Variants in AIRE observed in about 807,000 individuals in gnomAD.
AIRE encodes autoimmune regulator.
A neutral mutation model predicts 62.1 loss-of-function variants in AIRE; 52 were observed. The ratio of observed to expected loss-of-function variants is 0.84; its 90% CI spans 0.67 to 1.06. The LOEUF is 1.06. Ranked by LOEUF, AIRE falls within the 50% of genes least tolerant of loss-of-function variation. The pLI, the probability that AIRE is intolerant of heterozygous loss-of-function variation, is 0.00. For synonymous variants in AIRE, 342 were observed against 321.6 expected (o/e 1.06, Z -0.68); for missense variants, 774 against 755.8 (o/e 1.02, Z -0.28).
In AIRE at chr21:44,289,882, C is replaced by T; in HGVS notation, c.798+80C>T. On this transcript the variant is annotated intron_variant, in intron 6 of 13. Coordinates refer to ENST00000291582, the MANE Select transcript of AIRE (RefSeq NM_000383.4). Reference sequence around the variant, plus strand: ...AACAGCGTTGCCTCTGGGGGAGTGGCTCTGCTGGGGGCTGGGGGCTGCTGC... The same window carrying T: ...AACAGCGTTGCCTCTGGGGGAGTGGTTCTGCTGGGGGCTGGGGGCTGCTGC... 3.1e-6 allele frequency: 5 copies of T among 1,607,698 alleles called. No individual in the cohort carries two copies. The South Asian group carries it at 5.5e-5, about 18-fold the overall frequency.
At chr21:44,288,733 G>A (rs909450890) in intron 5 of AIRE, 6 of 435,868 alleles carry the variant, frequency 1.4e-5, no homozygotes, top group Non-Finnish European at 2.5e-5. Flanking sequence ...ATGTGCATGG[G>A]CCCTCCTGGG....
Position 44,293,908 on chromosome 21 carries a change from C to T in AIRE, c.1398C>T (p.Pro466=), listed in dbSNP as rs1402673356. 13 of 1,596,464 alleles carry T rather than the reference C, an allele frequency of 8.1e-6. No individual in the cohort carries two copies. Among genetic ancestry groups the T allele is most frequent in the South Asian group, 1.1e-5 (1 of 91,016 alleles). Residue 466 remains proline, a splice_region_variant and synonymous_variant, in exon 11 of 14, where the codon CCC becomes CCT. Transcript: ENST00000291582. ...RCHFPAGTSR[P]GTGLRCRSCS... is the part of the protein sequence containing the mutation. Reference sequence around the variant, plus strand: ...ACTTCCCAGCCGGCACCTCCCGGCCCGGGTGAGTGAGCGTGGTCGGCGGGG... The same window carrying T: ...ACTTCCCAGCCGGCACCTCCCGGCCTGGGTGAGTGAGCGTGGTCGGCGGGG...
In AIRE at chr21:44,287,555, A is replaced by G. The variant is rs1601965087; in HGVS notation, c.502A>G (p.Ser168Gly). Residue 168 changes from serine to glycine, a missense_variant, in exon 4 of 14, where the codon AGC becomes GGC. Physicochemically the swap from Ser to Gly is moderately conservative, Grantham distance 56. Around this residue, in one of 3 missense-constraint regions of AIRE, gnomAD observed 385 missense variants for 396.0 expected, o/e 0.97. Coordinates refer to ENST00000291582, the MANE Select transcript of AIRE (RefSeq NM_000383.4). The surrounding 1 kb of genome is among the most constrained non-coding windows in gnomAD (Gnocchi z 4.3). ...LKAKPPKKPE[S>G]SAEQQRLPLG... is the part of the protein sequence containing the mutation. Reference sequence around the variant, plus strand: ...GGCCAAGCCCCCCAAGAAGCCGGAGAGCAGCGCAGAGCAGCAGCGCCTTCC... The same window carrying G: ...GGCCAAGCCCCCCAAGAAGCCGGAGGGCAGCGCAGAGCAGCAGCGCCTTCC... 6.4e-7 allele frequency: 1 copy of G among 1,558,794 alleles called. No homozygotes were observed. The highest frequency in any genetic ancestry group is 8.7e-7 in the Non-Finnish European group (1 of 1,151,436).
At chr21:44,293,657 G>C (rs2040568877) in intron 10 of AIRE, 132 bp from the exon 11 acceptor site, 2 of 1,433,630 alleles carry the variant, frequency 1.4e-6, no homozygotes, top group Admixed American at 4.0e-5. Context: ...GGCACCGTGA[G>C]GCTCCTCACT....
chr21:44,292,222 T>A, intron 8 of AIRE, 80 bp from the exon 9 acceptor site: 6 of 1,148,160 alleles, frequency 5.2e-6, no homozygotes, highest in Non-Finnish European at 6.4e-6. Context: ...GTCGGAGCCC[T>A]GGAGCTCCAC....
rs540601109 is a variant in AIRE at position 44,293,056 on chromosome 21, G to A, written c.1159G>A (p.Gly387Ser). Residue 387 changes from glycine (G) to serine (S), a missense_variant, in exon 10 of 14, where the codon GGC (glycine) becomes AGC (serine). Around this residue, in one of 3 missense-constraint regions of AIRE, gnomAD observed 354 missense variants for 296.1 expected, o/e 1.20. Transcript: ENST00000291582. ...AGGTCCACCTGGGGAACCCCTAGCC[G>A]GCATGGACACGACTCTTGTCTACAA... ...VRGPPGEPLA[G>S]MDTTLVYKHL... The A allele has an allele frequency of 1.9e-6, 3 of 1,612,490 alleles. No individual in the cohort carries two copies. Among genetic ancestry groups the A allele is most frequent in the African/African-American group, 1.3e-5 (1 of 75,010 alleles).
chr21:44,286,214 AC>A lies in AIRE; in HGVS notation c.132+80del. ...TAGTCCCCGGGGAAGTTCCAGGAGG[AC>A]CCCGCCCCTCCAGATCCCCAAGCCC... On this transcript the variant is annotated intron_variant, in intron 1 of 13. Transcript: ENST00000291582. This position sits in a 1 kb window ranked among gnomAD's most constrained non-coding sequence, Gnocchi z 6.0. 7.3e-7 allele frequency: 1 copy of A among 1,362,668 alleles called. No individual in the cohort carries two copies. Among genetic ancestry groups the A allele is most frequent in the Non-Finnish European group, 9.8e-7 (1 of 1,022,452 alleles). 84.4% of individuals were successfully genotyped at this position (1,362,668 alleles called of 1,614,324 possible).
chr21:44,288,431 A>T lies in AIRE; in HGVS notation c.625A>T (p.Ile209Phe). Residue 209 changes from isoleucine (I) to phenylalanine (F), a missense_variant, in exon 5 of 14, where the codon ATC becomes TTC. By Grantham distance (21) the Ile-to-Phe change is conservative. This residue lies in a region of AIRE where 385 missense variants were observed against 396.0 expected (regional missense o/e 0.97). Transcript: ENST00000291582. ...VPGARGAVEG[I>F]LIQQVFESGG... ...GGGAGCCCGAGGGGCCGTGGAGGGG[A>T]TCCTCATCCAGCAGGTGTTTGAGTC... 1 of 1,610,206 alleles carries T rather than the reference A, an allele frequency of 6.2e-7. No homozygotes were observed. Among genetic ancestry groups the T allele is most frequent in the Non-Finnish European group, 8.5e-7 (1 of 1,177,364 alleles).
At chr21:44,289,917 C>A in intron 6 of AIRE, 71 bp from the exon 7 acceptor site, 1 of 1,599,396 alleles carries the variant, frequency 6.3e-7, no homozygotes, top group Non-Finnish European at 8.5e-7. Flanking sequence ...CCGAGAGACG[C>A]CTGGTGCCAC....
intron 4 of AIRE, 63 bp from the exon 5 acceptor site, chr21:44,288,282 T>G: frequency 3.1e-6 from 4 of 1,309,586 alleles, no homozygotes; most frequent in African/African-American, 1.4e-5. Flanking sequence ...GCTTCTGGCA[T>G]AGAGTATGTG....
In AIRE at chr21:44,293,111, C is replaced by A. The variant is rs769719554; in HGVS notation, c.1214C>A (p.Pro405Gln). The change falls in exon 10 of 14, where the codon CCG (proline) becomes CAG (glutamine). Residue 405 changes from proline (P) to glutamine (Q), a missense_variant. By Grantham distance (76) the Pro-to-Gln change is moderately conservative. This residue lies in a region of AIRE where 354 missense variants were observed against 296.1 expected (regional missense o/e 1.20). Transcript: ENST00000291582. Reference protein sequence around the residue: ...KHLPAPPSAAPLPGLDSSALH... With the variant: ...KHLPAPPSAAQLPGLDSSALH... Reference sequence around the variant, plus strand: ...CTGCCGGCTCCGCCTTCTGCAGCCCCGCTGCCAGGGCTGGACTCCTCGGCC... The same window carrying A: ...CTGCCGGCTCCGCCTTCTGCAGCCCAGCTGCCAGGGCTGGACTCCTCGGCC... 2 of 1,605,996 alleles carry A rather than the reference C, an allele frequency of 1.2e-6. No individual in the cohort carries two copies. The highest frequency in any genetic ancestry group is 4.5e-5 in the East Asian group (2 of 44,584).
At chr21:44,288,523 C>T (rs929284151) in intron 5 of AIRE, 65 bp downstream of exon 5, 30 of 1,238,370 alleles carry the variant, frequency 2.4e-5, no homozygotes, top group Middle Eastern at 3.9e-4. Flanking sequence ...GAAGGAGGAC[C>T]ACGCCCCTTT....
intron 6 of AIRE, 79 bp from the exon 7 acceptor site, chr21:44,289,909 G>T (rs934585445): frequency 1.2e-6 from 2 of 1,601,202 alleles, no homozygotes; most frequent in Admixed American, 1.7e-5. Context: ...GGCTGCTGCC[G>T]AGAGACGCCT....
At position 44,289,797 on chromosome 21, in the gene AIRE, G is replaced by A. The variant is rs140835367; in HGVS notation, c.793G>A (p.Ala265Thr). ...LVRAKGAQGA[A>T]PGGGEARLGQ... ...TCGAGCCAAGGGAGCCCAGGGCGCT[G>A]CCCCCGTAAGCACCTGACCTTCCCT... Residue 265 changes from alanine (A) to threonine (T), a missense_variant, in exon 6 of 14, where the codon GCC becomes ACC. This residue lies in a region of AIRE where 385 missense variants were observed against 396.0 expected (regional missense o/e 0.97). Coordinates refer to ENST00000291582, the MANE Select transcript of AIRE (RefSeq NM_000383.4). 4.7e-5 allele frequency: 75 copies of A among 1,612,472 alleles called. 1 individual carries two copies. The African/African-American group carries it at 8.8e-4, about 19-fold the overall frequency.
intron 8 of AIRE, among the ~76,000 whole-genome samples, chr21:44,291,721 C>T (rs1025497317): frequency 6.6e-6 from 1 of 152,160 alleles, no homozygotes; most frequent in Non-Finnish European, 1.5e-5. Flanking sequence ...GAGCCCTGCC[C>T]CCATTCCAAC....
In AIRE at chr21:44,292,948, G is replaced by A. The variant is rs775152741; in HGVS notation, c.1096-45G>A. 3.2e-5 allele frequency: 51 copies of A among 1,589,114 alleles called. 1 individual carries two copies. The highest frequency in any genetic ancestry group is 2.9e-4 in the South Asian group (26 of 90,448). The stretch of plus-strand genomic sequence containing the variant: ...CAGTCACTGACTCCTGGGTGGTGCC[G>A]GGCAGGCGCCCGCTGCCCCTCTGAT... On this transcript the variant is annotated intron_variant, in intron 9 of 13. Transcript: ENST00000291582.
chr21:44,287,095 C>T lies in AIRE; in HGVS notation c.425C>T (p.Ala142Val), dbSNP rs779092108. Residue 142 changes from alanine to valine, a missense_variant, in exon 3 of 14, where the codon GCG (alanine) becomes GTG (valine). By Grantham distance (64) the Ala-to-Val change is moderately conservative (BLOSUM62 0). Transcript: ENST00000291582. This position sits in a 1 kb window ranked among gnomAD's most constrained non-coding sequence, Gnocchi z 4.3. ...GCCTCAGAAGAGGCTCGAGCTGCCG[C>T]GCCAGCAGCCCTGACTCCAAGGGGC... is the stretch of plus-strand genomic sequence containing the variant. ...RKASEEARAA[A>V]PAALTPRGTA... 2.4e-5 allele frequency: 38 copies of T among 1,612,482 alleles called. No individual in the cohort carries two copies. Among genetic ancestry groups the T allele is most frequent in the Admixed American group, 1.8e-4 (11 of 59,998 alleles).
rs777218693 is a variant in AIRE at position 44,291,089 on chromosome 21, T to C, written c.880-6T>C. The stretch of plus-strand genomic sequence containing the variant: ...AGTCTGCATGGGCGTCTCTTGCCTG[T>C]GCCAGAAGAATGAGGACGAGTGTGC... On this transcript the variant is annotated splice_region_variant and splice_polypyrimidine_tract_variant and intron_variant, in intron 7 of 13. Coordinates refer to ENST00000291582, the MANE Select transcript of AIRE (RefSeq NM_000383.4). 6.2e-7 allele frequency: 1 copy of C among 1,613,052 alleles called. No homozygotes were observed. The highest frequency in any genetic ancestry group is 1.3e-5 in the African/African-American group (1 of 75,012).
chr21:44,287,304 A>C lies in AIRE; in HGVS notation c.463+171A>C. The stretch of plus-strand genomic sequence containing the variant: ...GACCCACACACTGGACCAGCCTCTC[A>C]GCTCCCTCCTGCCTGAAGGCTGAGC... On this transcript the variant is annotated intron_variant, in intron 3 of 13. Coordinates refer to ENST00000291582, the MANE Select transcript of AIRE (RefSeq NM_000383.4). This position sits in a 1 kb window ranked among gnomAD's most constrained non-coding sequence, Gnocchi z 4.3. 2 of 817,038 alleles carry C rather than the reference A, an allele frequency of 2.4e-6. No individual in the cohort carries two copies. Among genetic ancestry groups the C allele is most frequent in the Non-Finnish European group, 3.8e-6 (2 of 519,738 alleles). 50.6% of individuals were successfully genotyped at this position (817,038 alleles called of 1,614,324 possible). A position where few individuals can be genotyped will look rare whatever the true frequency, so the allele number is the denominator to read the frequency against.
Sources: allele counts gnomAD v4.1 joint callset (sites outside exome capture counted in the v4.1 genomes callset), GRCh38; gene constraint gnomAD v4.1.1; regional missense constraint gnomAD v4.1.1; non-coding constraint Gnocchi (gnomAD v3.1); transcripts MANE v1.5; gene names NCBI Gene and HGNC (gene_info 2026-07-23, HGNC 2026-07-21).